FAM117A: variants seen among roughly 807,000 people sequenced by gnomAD.
The protein encoded by FAM117A is protein FAM117A.
In FAM117A, 21 loss-of-function variants were observed where a neutral mutation model predicts 44.1. The ratio of observed to expected loss-of-function variants is 0.48; its 90% confidence interval spans 0.34 to 0.69. FAM117A has a LOEUF of 0.69. Among genes scored for constraint, FAM117A ranks in the 30% least tolerant of loss-of-function variants. The pLI, the probability that FAM117A is intolerant of heterozygous loss-of-function variation, is 0.01. For synonymous variants in FAM117A, 220 were observed against 238.3 expected, an observed-to-expected ratio of 0.92 and a Z score of 0.71; for missense variants, 498 against 589.9, an observed-to-expected ratio of 0.84 and a Z score of 1.61.
intron 1 of FAM117A, among the ~76,000 whole-genome samples, chr17:49,769,385 T>C (rs2073754373): frequency 6.6e-6 from 1 of 151,996 alleles, no homozygotes; most frequent in Non-Finnish European, 1.5e-5. Flanking sequence ...AAAGGGTAAA[T>C]GTAGGATCAG....
chr17:49,721,757 A>G (rs986620245), intron 3 of FAM117A, among the ~76,000 whole-genome samples: 3 of 152,148 alleles, frequency 2.0e-5, no homozygotes, highest in African/African-American at 7.2e-5. Context: ...GCCAGGAAAA[A>G]GTGTTTGGGA....
chr17:49,769,585 A>AGC lies in FAM117A; in HGVS notation c.-621+18910_-621+18911dup, dbSNP rs779529703. Among the ~76,000 whole-genome samples, 4 of 151,942 alleles carry AGC rather than the reference A, an allele frequency of 2.6e-5. No homozygotes were observed. In the East Asian group the frequency reaches 5.9e-4, roughly 22 times the overall value. On this transcript the variant is annotated intron_variant, in intron 1 of 7. Coordinates refer to the FAM117A transcript ENST00000513602. Reference sequence around the variant, plus strand: ...CATGGTGGCGGGCGCCTGTAGTCCCAGCTACTCTACTCGGGAGGCTGAGGC... The same window carrying AGC: ...CATGGTGGCGGGCGCCTGTAGTCCCAGCGCTACTCTACTCGGGAGGCTGAGGC...
chr17:49,722,592 C>G lies in FAM117A; in HGVS notation c.369G>C (p.Thr123=). ...TCCTNDKATQ[T]PLSWQELEGE... ...CTTCTAGCTCTTGCCAGGACAGGGG[C>G]GTCTGCAGGGAGAGAAACACAGTGA... Residue 123 remains threonine, a splice_region_variant and synonymous_variant, in exon 3 of 8, where the codon ACG becomes ACC. Coordinates refer to ENST00000240364, the MANE Select transcript of FAM117A (RefSeq NM_030802.4). 6.2e-7 allele frequency: 1 copy of G among 1,613,302 alleles called. No homozygotes were observed. Among genetic ancestry groups the G allele is most frequent in the Non-Finnish European group, 8.5e-7 (1 of 1,179,634 alleles).
intron 7 of FAM117A, among the ~76,000 whole-genome samples, chr17:49,715,384 G>A (rs1206392765): frequency 6.6e-6 from 1 of 152,146 alleles, no homozygotes; most frequent in African/African-American, 2.4e-5. Context: ...CACACACCAT[G>A]ACTAAACTTC....
intron 1 of FAM117A, among the ~76,000 whole-genome samples, chr17:49,744,672 GTA>G (rs2073647583): frequency 6.6e-6 from 1 of 151,470 alleles, no homozygotes; most frequent in Non-Finnish European, 1.5e-5. Flanking sequence ...CTAATATAAT[GTA>G]AATGCTATAT....
chr17:49,784,599 C>A (rs2073800012), intron 1 of FAM117A, among the ~76,000 whole-genome samples: 1 of 152,184 alleles, frequency 6.6e-6, no homozygotes, highest in East Asian at 1.9e-4. Flanking sequence ...ATTCTGTTTT[C>A]TTTGCATGGA....
At chr17:49,756,286 C>G (rs2073698384) in intron 1 of FAM117A, among the ~76,000 whole-genome samples, 1 of 151,992 alleles carries the variant, frequency 6.6e-6, no homozygotes, top group South Asian at 2.1e-4. Context: ...ATATTTTATT[C>G]ACTTATGGAT....
intron 1 of FAM117A, among the ~76,000 whole-genome samples, chr17:49,736,293 G>A (rs1277040038): frequency 6.9e-6 from 1 of 143,980 alleles, no homozygotes; most frequent in Non-Finnish European, 1.5e-5. Context: ...GTCACGCTTT[G>A]TCGCCCAGGC....
intron 2 of FAM117A, among the ~76,000 whole-genome samples, chr17:49,723,526 C>A (rs74758051): frequency 6.6e-6 from 1 of 152,196 alleles, no homozygotes; most frequent in Non-Finnish European, 1.5e-5. Context: ...CAAGGGGGAA[C>A]GCTCCAGTGG....
intron 1 of FAM117A, among the ~76,000 whole-genome samples, chr17:49,770,061 G>T (rs1046646590): frequency 6.6e-6 from 1 of 152,044 alleles, no homozygotes; most frequent in African/African-American, 2.4e-5. Flanking sequence ...CACGAGGTCA[G>T]GAGTTCGAGA....
chr17:49,723,416 C>T (rs1003860814), intron 2 of FAM117A, among the ~76,000 whole-genome samples: 11 of 152,138 alleles, frequency 7.2e-5, no homozygotes, highest in African/African-American at 1.4e-4. Flanking sequence ...TCCTGAGCCC[C>T]GACCCAAGGG....
chr17:49,772,266 T>C (rs1240999524), intron 1 of FAM117A, among the ~76,000 whole-genome samples: 1 of 151,000 alleles, frequency 6.6e-6, no homozygotes. Context: ...CATTCTAGCC[T>C]GGGCAACTGA....
intron 1 of FAM117A, 38 bp downstream of exon 1, chr17:49,763,854 T>C (rs2073733595): frequency 6.8e-6 from 2 of 294,128 alleles, no homozygotes; most frequent in Non-Finnish European, 9.2e-6. Flanking sequence ...CCTCCCCCAA[T>C]GGCTCCTTCC....
intron 1 of FAM117A, among the ~76,000 whole-genome samples, chr17:49,773,937 A>G (rs1170149809): frequency 6.6e-6 from 1 of 152,058 alleles, no homozygotes; most frequent in Non-Finnish European, 1.5e-5. Flanking sequence ...TATTTTTAGT[A>G]GAGATGGGAT....
chr17:49,714,149 T>C (rs1404055538), intron 7 of FAM117A, among the ~76,000 whole-genome samples: 1 of 152,062 alleles, frequency 6.6e-6, no homozygotes, highest in Non-Finnish European at 1.5e-5. Context: ...ATACCTTGAC[T>C]CCTTGCCTGG....
At position 49,717,493 on chromosome 17, in the gene FAM117A, C is replaced by A. The variant is rs1478574035; in HGVS notation, c.910+20G>T. ...ATGTGCCCCAGAGTCAGCCCTGCTG[C>A]CTCAGCCTTCGCGGCTTACCTTTGT... On this transcript the variant is annotated intron_variant, in intron 6 of 7. Transcript: ENST00000240364. 6.2e-7 allele frequency: 1 copy of A among 1,610,866 alleles called. No homozygotes were observed. The highest frequency in any genetic ancestry group is 8.5e-7 in the Non-Finnish European group (1 of 1,178,140).
chr17:49,747,435 T>C (rs1367664276), intron 1 of FAM117A, among the ~76,000 whole-genome samples: 2 of 152,184 alleles, frequency 1.3e-5, no homozygotes. Context: ...TGATTCATTT[T>C]GCTCTGGGCT....
intron 1 of FAM117A, among the ~76,000 whole-genome samples, chr17:49,733,136 C>T (rs1221038544): frequency 6.6e-6 from 1 of 152,176 alleles, no homozygotes; most frequent in African/African-American, 2.4e-5. Context: ...GCCCTTCTTC[C>T]TCCCTCCAGC....
chr17:49,715,588 A>G (rs2073498596), intron 7 of FAM117A, among the ~76,000 whole-genome samples: 1 of 152,188 alleles, frequency 6.6e-6, no homozygotes, highest in Non-Finnish European at 1.5e-5. Context: ...GAACGATCCA[A>G]TCTGGTTTGG....
Sources: gnomAD v4.1 joint callset for allele counts (sites outside exome capture counted in the v4.1 genomes callset) on GRCh38, gnomAD v4.1.1 for gene constraint, MANE v1.5 for transcripts, NCBI Gene and HGNC (gene_info 2026-07-23, HGNC 2026-07-21) for gene names.